The following IL1RAPL2 variants were observed in gnomAD, a reference collection of about 807,000 sequenced individuals.
IL1RAPL2 encodes the protein X-linked interleukin-1 receptor accessory protein-like 2.
A neutral mutation model predicts 44.1 loss-of-function variants in IL1RAPL2; 3 were observed. The ratio of observed to expected loss-of-function variants is 0.07; its 90% confidence interval spans 0.03 to 0.18. The LOEUF is 0.18. Ranked by LOEUF, IL1RAPL2 falls within the 10% of genes least tolerant of loss-of-function variation. IL1RAPL2 has a pLI of 1.00. For synonymous variants in IL1RAPL2, 181 were observed against 178.8 expected, an observed-to-expected ratio of 1.01 and a Z score of -0.10; for missense variants, 391 against 496.4, an observed-to-expected ratio of 0.79 and a Z score of 2.02.
intron 2 of IL1RAPL2, among the ~76,000 whole-genome samples, chrX:105,059,275 C>A (rs1353068523): frequency 1.8e-5 from 2 of 111,816 alleles, no homozygotes; most frequent in Non-Finnish European, 3.8e-5. Context: ...ACCCCACCCC[C>A]AGTACCCTTC....
chrX:105,109,596 A>C (rs897972145), intron 2 of IL1RAPL2, among the ~76,000 whole-genome samples: 4 of 111,978 alleles, frequency 3.6e-5, no homozygotes, highest in Non-Finnish European at 7.5e-5. Context: ...CCAGGTGCTG[A>C]GAAGAGGGGA....
chrX:104,808,498 G>T (rs1369772139), intron 2 of IL1RAPL2, among the ~76,000 whole-genome samples: 1 of 111,228 alleles, frequency 9.0e-6, no homozygotes, highest in Admixed American at 9.7e-5. Context: ...CAGGATTGAG[G>T]TTATGGGTTT....
rs1184101297 is a variant in IL1RAPL2, at chrX:104,626,098, CCTT to C, written c.-19-32794_-19-32792del. Among the ~76,000 whole-genome samples, 5 of 110,922 alleles carry C rather than the reference CCTT, an allele frequency of 4.5e-5. No individual in the cohort carries two copies. The East Asian group carries it at 1.1e-3, about 25-fold the overall frequency. ...GGGTCTCTGATTACAATGTATATCT[CCTT>C]CTCATGCTTACTATAATTATGATTA... On this transcript the variant is annotated intron_variant, in intron 1 of 10. Coordinates refer to ENST00000372582, the MANE Select transcript of IL1RAPL2 (RefSeq NM_017416.2).
intron 6 of IL1RAPL2, among the ~76,000 whole-genome samples, chrX:105,612,013 T>C (rs1197163306): frequency 8.9e-6 from 1 of 112,203 alleles, no homozygotes; most frequent in East Asian, 2.8e-4. Context: ...TTATATTTCT[T>C]GGGTAAATAC....
At chrX:105,006,238 A>G (rs1038590826) in intron 2 of IL1RAPL2, among the ~76,000 whole-genome samples, 1 of 110,237 alleles carries the variant, frequency 9.1e-6, no homozygotes, top group East Asian at 2.9e-4. Context: ...CTCTTACTTT[A>G]TGAACTTTGA....
intron 1 of IL1RAPL2, among the ~76,000 whole-genome samples, chrX:104,634,727 C>T (rs1186868883): frequency 9.0e-6 from 1 of 111,504 alleles, no homozygotes; most frequent in South Asian, 3.8e-4. Context: ...TTATTTTGAG[C>T]CTATGTGTGT....
intron 5 of IL1RAPL2, among the ~76,000 whole-genome samples, chrX:105,363,301 TATATATA>T (rs199594719): frequency 0.021 from 1,703 of 80,064 alleles, 85 homozygotes; most frequent in African/African-American, 0.12. Flanking sequence ...TATATATATA[TATATATA>T]ATATATATAT....
intron 1 of IL1RAPL2, among the ~76,000 whole-genome samples, chrX:104,654,431 G>A (rs1034721006): frequency 9.1e-6 from 1 of 110,394 alleles, no homozygotes; most frequent in Non-Finnish European, 1.9e-5. Context: ...AAGACAAAGT[G>A]CAAACACCGT....
intron 1 of IL1RAPL2, among the ~76,000 whole-genome samples, chrX:104,624,337 G>A (rs1929457324): frequency 9.1e-6 from 1 of 110,273 alleles, no homozygotes; most frequent in South Asian, 3.9e-4. Flanking sequence ...TAGGTATAGG[G>A]ATACTTTCAT....
intron 6 of IL1RAPL2, among the ~76,000 whole-genome samples, chrX:105,488,365 A>G (rs2036285655): frequency 8.9e-6 from 1 of 112,055 alleles, no homozygotes; most frequent in African/African-American, 3.2e-5. Context: ...ATATGGTGGG[A>G]GAGAGAGGTC....
At chrX:105,127,200 T>G (rs2032983203) in intron 2 of IL1RAPL2, among the ~76,000 whole-genome samples, 1 of 110,891 alleles carries the variant, frequency 9.0e-6, no homozygotes, top group Non-Finnish European at 1.9e-5. Flanking sequence ...ATCTTTGAAG[T>G]TATAAAGCAG....
chrX:105,043,440 G>T (rs748143104), intron 2 of IL1RAPL2, among the ~76,000 whole-genome samples: 1 of 108,779 alleles, frequency 9.2e-6, no homozygotes, highest in Non-Finnish European at 1.9e-5. Flanking sequence ...AGACTTGGGA[G>T]GCAGCCAGTC....
chrX:104,957,296 G>C (rs1203216700), intron 2 of IL1RAPL2, among the ~76,000 whole-genome samples: 1 of 111,832 alleles, frequency 8.9e-6, no homozygotes, highest in East Asian at 2.8e-4. Context: ...TCTTCAGAAT[G>C]CAAAGTCCCT....
intron 5 of IL1RAPL2, among the ~76,000 whole-genome samples, chrX:105,324,147 T>C (rs1158660983): frequency 9.0e-6 from 1 of 110,632 alleles, no homozygotes; most frequent in Non-Finnish European, 1.9e-5. Context: ...TAGCATCTAA[T>C]GGGAGTGTGG....
At chrX:105,643,037 T>C (rs1467194978) in intron 6 of IL1RAPL2, among the ~76,000 whole-genome samples, 1 of 112,703 alleles carries the variant, frequency 8.9e-6, no homozygotes, top group Non-Finnish European at 1.9e-5. Flanking sequence ...AATACAACTT[T>C]TGTGTTTTTC....
rs1234615465 is a variant in IL1RAPL2, at chrX:105,536,039, CAATATATAGTTCTTTTTTTACA to C, written c.772+51666_772+51687del. On this transcript the variant is annotated intron_variant, in intron 6 of 10. Coordinates refer to ENST00000372582, the MANE Select transcript of IL1RAPL2 (RefSeq NM_017416.2). ...ATCAGTGTAGAATAGTAATAGCTAC[CAATATATAGTTCTTTTTTTACA>C]AATATATAGTTCTGATAAGAACTTA... is the stretch of plus-strand genomic sequence containing the variant. Among the ~76,000 whole-genome samples the C allele has an allele frequency of 2.7e-5, 3 of 110,967 alleles. No individual in the cohort carries two copies. In the East Asian group the frequency reaches 8.5e-4, roughly 31 times the overall value.
intron 2 of IL1RAPL2, among the ~76,000 whole-genome samples, chrX:104,906,134 T>C (rs1490269671): frequency 1.8e-5 from 2 of 110,484 alleles, no homozygotes; most frequent in South Asian, 7.8e-4. Context: ...AGAATGCTTG[T>C]GATTTTTGTA....
chrX:105,478,484 T>C (rs940185625), intron 5 of IL1RAPL2, among the ~76,000 whole-genome samples: 2 of 111,419 alleles, frequency 1.8e-5, no homozygotes, highest in Non-Finnish European at 3.8e-5. Context: ...TCTGGGATTT[T>C]GAATCTTGAT....
At chrX:105,677,610 C>T (rs774082527) in intron 6 of IL1RAPL2, among the ~76,000 whole-genome samples, 1 of 111,558 alleles carries the variant, frequency 9.0e-6, no homozygotes, top group South Asian at 3.8e-4. Flanking sequence ...CACACTAATC[C>T]AAGCTCTCTC....
Sources: allele counts gnomAD v4.1 joint callset (sites outside exome capture counted in the v4.1 genomes callset), GRCh38; gene constraint gnomAD v4.1.1; transcripts MANE v1.5; gene names NCBI Gene and HGNC (gene_info 2026-07-23, HGNC 2026-07-21).